ITK: variants seen among roughly 807,000 people sequenced by gnomAD.
The protein encoded by ITK is IL2 inducible T cell kinase, also known as tyrosine-protein kinase ITK/TSK.
In ITK, 45 loss-of-function variants were observed where a neutral mutation model predicts 87.6. The observed-to-expected ratio is 0.51, with a 90% confidence interval of 0.40 to 0.66. ITK has a LOEUF of 0.66. ITK is among the 30% of genes least tolerant of loss of function. The pLI is 0.00. For missense variants in ITK, 605 were observed against 766.3 expected (o/e 0.79, Z 2.48); for synonymous variants, 303 against 273.6 (o/e 1.11, Z -1.06).
At chr5:157,204,793 A>G (rs1203939642) in intron 1 of ITK, among the ~76,000 whole-genome samples, 7 of 152,258 alleles carry the variant, frequency 4.6e-5, no homozygotes, top group Admixed American at 2.6e-4. Flanking sequence ...CACAAAAAAC[A>G]TAAATAGATT....
intron 4 of ITK, among the ~76,000 whole-genome samples, chr5:157,215,473 A>T (rs1196903625): frequency 6.6e-6 from 1 of 152,228 alleles, no homozygotes; most frequent in Non-Finnish European, 1.5e-5. Context: ...GCCCAGAAGA[A>T]CAATACTTAA....
chr5:157,235,425 T>C (rs777040452), intron 8 of ITK, among the ~76,000 whole-genome samples: 1 of 152,232 alleles, frequency 6.6e-6, no homozygotes, highest in Non-Finnish European at 1.5e-5. Flanking sequence ...TTTGAACCTT[T>C]ATGGGTCAAA....
intron 2 of ITK, among the ~76,000 whole-genome samples, chr5:157,210,531 G>T (rs1378911670): frequency 3.4e-5 from 5 of 147,342 alleles, no homozygotes; most frequent in Admixed American, 6.7e-5. Context: ...CAATCTCTTG[G>T]TTTTTTTTTT....
At chr5:157,208,767 T>C (rs1265382309) in intron 1 of ITK, 122 bp from the exon 2 acceptor site, 2 of 734,468 alleles carry the variant, frequency 2.7e-6, no homozygotes, top group Middle Eastern at 3.0e-4. Flanking sequence ...ATATTTGGTT[T>C]GGAGGGTTGG....
chr5:157,236,166 G>C (rs1754771378), intron 8 of ITK, among the ~76,000 whole-genome samples: 1 of 152,128 alleles, frequency 6.6e-6, no homozygotes, highest in Non-Finnish European at 1.5e-5. Flanking sequence ...TGGAGGTCAG[G>C]AGTTCAAGAC....
intron 8 of ITK, 89 bp downstream of exon 8, chr5:157,232,483 A>G: frequency 1.1e-6 from 1 of 901,096 alleles, no homozygotes. Flanking sequence ...TTGGCAGGCC[A>G]AGGTGGGAGG....
chr5:157,219,732 A>T (rs1460794741), intron 5 of ITK, among the ~76,000 whole-genome samples: 2 of 152,174 alleles, frequency 1.3e-5, no homozygotes. Context: ...TCCCCTTTGA[A>T]GGCCTGGTTC....
intron 1 of ITK, among the ~76,000 whole-genome samples, chr5:157,192,333 G>A (rs1413862562): frequency 1.3e-5 from 2 of 152,314 alleles, no homozygotes; most frequent in South Asian, 2.1e-4. Context: ...CTTTGGGTTA[G>A]GTCATGAAAC....
intron 4 of ITK, among the ~76,000 whole-genome samples, chr5:157,215,346 A>T (rs1239768252): frequency 6.6e-6 from 1 of 152,320 alleles, no homozygotes; most frequent in East Asian, 1.9e-4. Context: ...GATGTAACAC[A>T]TGGCTAGGTT....
At chr5:157,185,522 G>A (rs9313477) in intron 1 of ITK, among the ~76,000 whole-genome samples, 47 of 152,094 alleles carry the variant, frequency 3.1e-4, no homozygotes, top group South Asian at 2.1e-4. Context: ...TTACAGATGT[G>A]AGCCATCGCG....
chr5:157,248,462 T>C (rs1345441817), intron 15 of ITK, among the ~76,000 whole-genome samples: 2 of 152,218 alleles, frequency 1.3e-5, no homozygotes, highest in Non-Finnish European at 2.9e-5. Flanking sequence ...CATACTTTGG[T>C]TGGAGTCAAA....
chr5:157,245,091 G>A (rs1754995100), intron 13 of ITK: 2 of 172,572 alleles, frequency 1.2e-5, no homozygotes, highest in South Asian at 2.5e-4. Context: ...TGAGCTTACT[G>A]GCGGGCACCT....
chr5:157,213,598 T>G, intron 3 of ITK: 1 of 452,944 alleles, frequency 2.2e-6, no homozygotes, highest in South Asian at 1.6e-5. Flanking sequence ...CCTAGGCTAA[T>G]CTAGAACTCC....
At chr5:157,182,615 T>A (rs1292216619) in intron 1 of ITK, among the ~76,000 whole-genome samples, 1 of 152,176 alleles carries the variant, frequency 6.6e-6, no homozygotes, top group Non-Finnish European at 1.5e-5. Context: ...GGGGGATTTA[T>A]CATGTAGAGC....
At chr5:157,239,340 G>A (rs4704857) in intron 9 of ITK, among the ~76,000 whole-genome samples, 5,123 of 152,250 alleles carry the variant, frequency 0.034, 232 homozygotes, top group East Asian at 0.2. Flanking sequence ...CAAACAGGAC[G>A]TGCTTAATTC....
intron 1 of ITK, among the ~76,000 whole-genome samples, chr5:157,181,519 A>G (rs1378275199): frequency 6.6e-6 from 1 of 152,224 alleles, no homozygotes; most frequent in Non-Finnish European, 1.5e-5. Context: ...ATTCAATGGG[A>G]TGATCTACCC....
chr5:157,213,039 A>G (rs937624040), intron 3 of ITK, among the ~76,000 whole-genome samples: 3 of 152,146 alleles, frequency 2.0e-5, no homozygotes, highest in African/African-American at 7.2e-5. Flanking sequence ...CCATTTTCAC[A>G]CTGCTATAAA....
At chr5:157,250,458 C>T (rs1482795284) in intron 16 of ITK, among the ~76,000 whole-genome samples, 1 of 151,400 alleles carries the variant, frequency 6.6e-6, no homozygotes, top group Non-Finnish European at 1.5e-5. Context: ...TATTTATTTA[C>T]CTACCAAAGG....
intron 4 of ITK, among the ~76,000 whole-genome samples, chr5:157,215,588 C>T (rs30141): frequency 2.6e-5 from 4 of 152,100 alleles, no homozygotes; most frequent in African/African-American, 9.7e-5. Flanking sequence ...AAAGTTTTCT[C>T]TGGATAGGAT....
Sources: allele counts gnomAD v4.1 joint callset (sites outside exome capture counted in the v4.1 genomes callset), GRCh38; gene constraint gnomAD v4.1.1; transcripts MANE v1.5; gene names NCBI Gene and HGNC (gene_info 2026-07-23, HGNC 2026-07-21).